The following SLC25A28 variants were observed in gnomAD, a reference collection of about 807,000 sequenced individuals.
The protein encoded by SLC25A28 is solute carrier family 25 member 28.
Under a neutral mutation model 31.9 loss-of-function variants are expected in SLC25A28, and 10 were observed. That is an observed-to-expected ratio of 0.31 (90% CI 0.19 to 0.53). The LOEUF (loss-of-function observed/expected upper bound fraction) is 0.53, where lower values mean the gene tolerates loss of function less well. Among genes scored for constraint, SLC25A28 ranks in the 20% least tolerant of loss-of-function variants. SLC25A28 has a pLI of 0.95. For synonymous variants in SLC25A28, 208 were observed against 203.6 expected, an observed-to-expected ratio of 1.02 and a Z score of -0.19; for missense variants, 256 against 490.3, an observed-to-expected ratio of 0.52 and a Z score of 4.51.
the SLC25A28 span, among the ~76,000 whole-genome samples, chr10:99,648,853 G>A: frequency 6.6e-6 from 1 of 151,802 alleles, no homozygotes; most frequent in South Asian, 2.1e-4. Flanking sequence ...TTTTGGAGGA[G>A]CCAAAAAACC....
the SLC25A28 span, among the ~76,000 whole-genome samples, chr10:99,644,284 CT>C: frequency 6.6e-6 from 1 of 152,166 alleles, no homozygotes; most frequent in Non-Finnish European, 1.5e-5. Context: ...GGATAGTTAG[CT>C]CTTCTTGTTG....
At chr10:99,620,773 C>G, upstream of SLC25A28, 1 of 985,472 alleles carries the variant, frequency 1.0e-6, no homozygotes, top group African/African-American at 1.7e-5. Flanking sequence ...TGGCCCGCAC[C>G]ACGTCGGTCC....
At chr10:99,616,920 G>A (rs1183666852) in intron 1 of SLC25A28, 1 of 971,716 alleles carries the variant, frequency 1.0e-6, no homozygotes, top group Non-Finnish European at 1.2e-6. Context: ...GATAGTGCTT[G>A]GCACACAAGA....
the SLC25A28 span, among the ~76,000 whole-genome samples, chr10:99,653,078 C>T: frequency 1.3e-5 from 2 of 152,212 alleles, no homozygotes; most frequent in South Asian, 2.1e-4. Flanking sequence ...AGTATGTCTA[C>T]AAATTAGTTG....
the SLC25A28 span, among the ~76,000 whole-genome samples, chr10:99,638,955 A>C: frequency 6.6e-6 from 1 of 152,158 alleles, no homozygotes; most frequent in Admixed American, 6.5e-5. Flanking sequence ...TCAGAGGAAA[A>C]TAAGTCATTG....
chr10:99,620,375 G>A lies in SLC25A28; in HGVS notation c.-40C>T. 2 of 1,069,208 alleles carry A rather than the reference G, an allele frequency of 1.9e-6. No homozygotes were observed. The highest frequency in any genetic ancestry group is 1.1e-6 in the Non-Finnish European group (1 of 888,554). 66.2% of individuals were successfully genotyped at this position (1,069,208 alleles called of 1,614,324 possible). ...TGCGGCGCCCACCCCCGCCGCCGCT[G>A]CCACCACTGCCGCCGCCGCCCCCCG... On this transcript the variant is annotated 5_prime_UTR_variant, in exon 1 of 4. Transcript: ENST00000370495.
chr10:99,641,030 G>A, the SLC25A28 span, among the ~76,000 whole-genome samples: 1 of 152,190 alleles, frequency 6.6e-6, no homozygotes, highest in Non-Finnish European at 1.5e-5. Context: ...AAACATATGT[G>A]TGCATGTGTC....
chr10:99,620,732 C>G, upstream of SLC25A28: 8 of 985,622 alleles, frequency 8.1e-6, no homozygotes, highest in Non-Finnish European at 9.6e-6. Flanking sequence ...TTGATAGGCT[C>G]AACCACTCTT....
At chr10:99,615,725 A>G (rs1589996144) in intron 1 of SLC25A28, 1 of 985,440 alleles carries the variant, frequency 1.0e-6, no homozygotes, top group Non-Finnish European at 1.2e-6. Context: ...CATAGAGACT[A>G]CGGGTCATAT....
At chr10:99,621,638 G>C (rs1053713322), upstream of SLC25A28, 2 of 152,364 alleles carry the variant, frequency 1.3e-5, no homozygotes, top group African/African-American at 4.8e-5. Flanking sequence ...GGGAGCACGG[G>C]CGTCTTCTTC....
chr10:99,629,606 T>G, the SLC25A28 span, among the ~76,000 whole-genome samples: 2 of 152,238 alleles, frequency 1.3e-5, no homozygotes, highest in African/African-American at 2.4e-5. Context: ...AACAAAGAAC[T>G]GATACATGCT....
the SLC25A28 span, among the ~76,000 whole-genome samples, chr10:99,640,165 C>A: frequency 6.6e-6 from 1 of 152,134 alleles, no homozygotes; most frequent in African/African-American, 2.4e-5. Flanking sequence ...TATCCATCAC[C>A]GCATAACAAA....
the SLC25A28 span, among the ~76,000 whole-genome samples, chr10:99,641,748 T>G: frequency 1.2e-3 from 178 of 148,922 alleles, 1 homozygote; most frequent in African/African-American, 4.3e-3. Context: ...TTTGTATAAG[T>G]TGTAAGGAAG....
chr10:99,612,986 C>T (rs74152238), intron 2 of SLC25A28, among the ~76,000 whole-genome samples: 3 of 152,150 alleles, frequency 2.0e-5, no homozygotes, highest in African/African-American at 7.2e-5. Context: ...TCTCACAGAA[C>T]CTCACCACAG....
rs557645221 is a variant in SLC25A28, at chr10:99,620,355, C to G, written c.-20G>C. On this transcript the variant is annotated 5_prime_UTR_variant, in exon 1 of 4. Transcript: ENST00000370495. ...CTCCATCCACCCGGGCCAGCTGCGG[C>G]GCCCACCCCCGCCGCCGCTGCCACC... The G allele has an allele frequency of 3.8e-5, 41 of 1,074,408 alleles. No individual in the cohort carries two copies. In the African/African-American group the frequency reaches 6.7e-4, roughly 17 times the overall value. 66.6% of individuals were successfully genotyped at this position (1,074,408 alleles called of 1,614,324 possible).
chr10:99,645,986 C>A, the SLC25A28 span, among the ~76,000 whole-genome samples: 1 of 152,310 alleles, frequency 6.6e-6, no homozygotes, highest in African/African-American at 2.4e-5. Flanking sequence ...GGAGGTGCCT[C>A]CCAGTTAGGC....
intron 1 of SLC25A28, among the ~76,000 whole-genome samples, chr10:99,614,996 T>C (rs980853207): frequency 4.6e-5 from 7 of 152,202 alleles, no homozygotes; most frequent in African/African-American, 1.7e-4. Context: ...TGGAAGCAAG[T>C]GATGCCCAAG....
the SLC25A28 span, among the ~76,000 whole-genome samples, chr10:99,643,890 A>T: frequency 1.3e-4 from 20 of 152,044 alleles, no homozygotes; most frequent in African/African-American, 4.6e-4. Context: ...GTGAGTTTCT[A>T]AATCCTGAGT....
upstream of SLC25A28, chr10:99,622,648 C>T (rs2034818456): frequency 1.0e-6 from 1 of 985,320 alleles, no homozygotes; most frequent in African/African-American, 1.7e-5. Context: ...GCACTTTTTA[C>T]TAGCTTCAGA....
Sources: gnomAD v4.1 joint callset for allele counts (sites outside exome capture counted in the v4.1 genomes callset) on GRCh38, gnomAD v4.1.1 for gene constraint, MANE v1.5 for transcripts, NCBI Gene and HGNC (gene_info 2026-07-23, HGNC 2026-07-21) for gene names.